ELOVL6: variants seen among roughly 807,000 people sequenced by gnomAD.
ELOVL6 encodes ELOVL fatty acid elongase 6.
In ELOVL6, 8 loss-of-function variants were observed where a neutral mutation model predicts 31.7. That is an observed-to-expected ratio of 0.25 (90% CI 0.15 to 0.45). ELOVL6 has a LOEUF of 0.45. Ranked by LOEUF, ELOVL6 falls within the 20% of genes least tolerant of loss-of-function variation. The pLI is 1.00. For missense variants in ELOVL6, 126 were observed against 326.4 expected, an observed-to-expected ratio of 0.39 and a Z score of 4.73; for synonymous variants, 101 against 117.7, an observed-to-expected ratio of 0.86 and a Z score of 0.92.
At chr4:110,078,550 G>T (rs1414803745) in intron 2 of ELOVL6, among the ~76,000 whole-genome samples, 1 of 152,178 alleles carries the variant, frequency 6.6e-6, no homozygotes, top group Non-Finnish European at 1.5e-5. Flanking sequence ...GAGAGATTTT[G>T]TCACCATCAG....
intron 2 of ELOVL6, among the ~76,000 whole-genome samples, chr4:110,097,915 T>A (rs1212504826): frequency 1.3e-5 from 2 of 152,176 alleles, no homozygotes. Flanking sequence ...ATTTCTATGG[T>A]TCTTTGATAA....
chr4:110,183,584 A>G (rs1046622534), intron 1 of ELOVL6, among the ~76,000 whole-genome samples: 3 of 151,876 alleles, frequency 2.0e-5, no homozygotes, highest in African/African-American at 7.3e-5. Flanking sequence ...ATAAATAATA[A>G]CCATTGTTTT....
At chr4:110,147,375 C>T (rs1758148111) in intron 1 of ELOVL6, 1 of 151,350 alleles carries the variant, frequency 6.6e-6, no homozygotes, top group Admixed American at 6.6e-5. Flanking sequence ...CTGGTCTAGG[C>T]AAAGAATTCT....
At chr4:110,083,881 G>GAT (rs920425558) in intron 2 of ELOVL6, among the ~76,000 whole-genome samples, 8 of 102,498 alleles carry the variant, frequency 7.8e-5, no homozygotes, top group African/African-American at 2.6e-4. Flanking sequence ...TGGATGCTGT[G>GAT]ATATATATAG....
intron 2 of ELOVL6, among the ~76,000 whole-genome samples, chr4:110,084,326 G>GAT (rs377083845): frequency 0.33 from 24,955 of 74,536 alleles, 5,363 homozygotes; most frequent in East Asian, 0.6. Context: ...ATATAAATTT[G>GAT]ATATATATCA....
intron 1 of ELOVL6, among the ~76,000 whole-genome samples, chr4:110,167,823 G>T (rs183028640): frequency 6.6e-6 from 1 of 152,152 alleles, no homozygotes; most frequent in Admixed American, 6.5e-5. Flanking sequence ...GGCGTGAGCT[G>T]CTGCACCCAA....
intron 1 of ELOVL6, among the ~76,000 whole-genome samples, chr4:110,189,583 ACT>A (rs1468816760): frequency 8.7e-6 from 1 of 114,300 alleles, no homozygotes; most frequent in Non-Finnish European, 1.7e-5. Flanking sequence ...ACACAGCAAG[ACT>A]CTGTCTCAAA....
At chr4:110,139,176 C>T (rs769353074) in intron 1 of ELOVL6, among the ~76,000 whole-genome samples, 14 of 151,978 alleles carry the variant, frequency 9.2e-5, no homozygotes, top group East Asian at 5.8e-4. Flanking sequence ...AAAATGAAAA[C>T]GTTTTTCTTC....
At chr4:110,174,527 T>G (rs1759044434) in intron 1 of ELOVL6, among the ~76,000 whole-genome samples, 1 of 152,174 alleles carries the variant, frequency 6.6e-6, no homozygotes, top group African/African-American at 2.4e-5. Context: ...AACATACATT[T>G]TTTAAAAAGG....
At chr4:110,072,590 C>T (rs1755523182) in intron 2 of ELOVL6, among the ~76,000 whole-genome samples, 1 of 87,026 alleles carries the variant, frequency 1.1e-5, no homozygotes, top group Admixed American at 1.0e-4. Flanking sequence ...AGATGGGCCA[C>T]CCTCCAAATG....
chr4:110,089,106 C>A (rs1451594785), intron 2 of ELOVL6, among the ~76,000 whole-genome samples: 1 of 152,146 alleles, frequency 6.6e-6, no homozygotes, highest in Admixed American at 6.6e-5. Flanking sequence ...CTTTCTCTTT[C>A]CAGCAAATGT....
chr4:110,070,763 G>A (rs921002861), intron 2 of ELOVL6, among the ~76,000 whole-genome samples: 8 of 151,946 alleles, frequency 5.3e-5, no homozygotes, highest in East Asian at 1.9e-4. Flanking sequence ...CTCTTTCTTC[G>A]GCCAGTAAGA....
intron 1 of ELOVL6, among the ~76,000 whole-genome samples, chr4:110,195,700 G>A (rs11931032): frequency 4.6e-5 from 7 of 152,148 alleles, no homozygotes; most frequent in Non-Finnish European, 7.3e-5. Flanking sequence ...ACTCTGCCAC[G>A]GTATGCAAGT....
chr4:110,105,800 C>T (rs963170057), intron 1 of ELOVL6, among the ~76,000 whole-genome samples, 172 bp from the exon 2 acceptor site: 4 of 152,158 alleles, frequency 2.6e-5, no homozygotes, highest in Non-Finnish European at 4.4e-5. Flanking sequence ...TGAAATCTCC[C>T]TTGACAAATC....
At chr4:110,143,745 G>T (rs1302896120) in intron 1 of ELOVL6, among the ~76,000 whole-genome samples, 1 of 152,130 alleles carries the variant, frequency 6.6e-6, no homozygotes, top group African/African-American at 2.4e-5. Context: ...TATAAAGTAA[G>T]TTACTTTAAT....
At chr4:110,119,246 G>A (rs1757273455) in intron 1 of ELOVL6, among the ~76,000 whole-genome samples, 1 of 152,024 alleles carries the variant, frequency 6.6e-6, no homozygotes, top group African/African-American at 2.4e-5. Flanking sequence ...GCAGTGAGCT[G>A]AGATTGCACC....
intron 1 of ELOVL6, among the ~76,000 whole-genome samples, chr4:110,119,584 C>T (rs1446625002): frequency 6.6e-6 from 1 of 152,188 alleles, no homozygotes; most frequent in Non-Finnish European, 1.5e-5. Flanking sequence ...GTGTCCGGAG[C>T]TGGTTTAGGA....
At chr4:110,141,854 A>AATATATATATATATATAT (rs1304359285) in intron 1 of ELOVL6, among the ~76,000 whole-genome samples, 1 of 53,608 alleles carries the variant, frequency 1.9e-5, no homozygotes, top group Non-Finnish European at 4.0e-5. Context: ...CAATACAATT[A>AATATATATATATATATAT]GTATATATAT....
At chr4:110,100,256 G>T (rs1756704745) in intron 2 of ELOVL6, among the ~76,000 whole-genome samples, 1 of 152,124 alleles carries the variant, frequency 6.6e-6, no homozygotes, top group Non-Finnish European at 1.5e-5. Context: ...TTCCTCAAAT[G>T]AAATGATCCA....
Sources: gnomAD v4.1 joint callset for allele counts (sites outside exome capture counted in the v4.1 genomes callset) on GRCh38, gnomAD v4.1.1 for gene constraint, MANE v1.5 for transcripts, NCBI Gene and HGNC (gene_info 2026-07-23, HGNC 2026-07-21) for gene names.